Variants in CADPS2 observed in about 807,000 individuals in gnomAD.
CADPS2 encodes calcium dependent secretion activator 2.
A neutral mutation model predicts 172.5 loss-of-function variants in CADPS2; 93 were observed. The observed-to-expected ratio is 0.54, with a 90% CI of 0.46 to 0.64. The LOEUF (loss-of-function observed/expected upper bound fraction) is 0.64, where lower values mean the gene tolerates loss of function less well. CADPS2 is among the 30% of genes least tolerant of loss of function. The probability of loss-of-function intolerance (pLI) is 0.00; values close to 1 mark genes in which losing one functional copy is unlikely to be tolerated. For missense variants in CADPS2, 1,420 were observed against 1,565.9 expected, an observed-to-expected ratio of 0.91 and a Z score of 1.57; for synonymous variants, 546 against 555.2, an observed-to-expected ratio of 0.98 and a Z score of 0.23.
chr7:122,396,394 C>A (rs2045134424), intron 20 of CADPS2, among the ~76,000 whole-genome samples: 2 of 152,268 alleles, frequency 1.3e-5, no homozygotes, highest in Admixed American at 6.5e-5. Flanking sequence ...CAATAATAAC[C>A]TAACTGGTCT....
chr7:122,787,233 A>G (rs1794259334), intron 1 of CADPS2, among the ~76,000 whole-genome samples: 2 of 152,030 alleles, frequency 1.3e-5, no homozygotes, highest in African/African-American at 4.8e-5. Context: ...TACACCCCCA[A>G]CCCCAAGAAA....
At chr7:122,515,899 T>C (rs1172123855) in intron 8 of CADPS2, among the ~76,000 whole-genome samples, 3 of 151,820 alleles carry the variant, frequency 2.0e-5, no homozygotes, top group East Asian at 1.9e-4. Flanking sequence ...TTGGTCAATT[T>C]TGTTAATTTC....
At chr7:122,749,443 C>G (rs143753569) in intron 1 of CADPS2, among the ~76,000 whole-genome samples, 61 of 152,250 alleles carry the variant, frequency 4.0e-4, no homozygotes, top group Admixed American at 6.5e-4. Flanking sequence ...AACTAGCAAA[C>G]TGTACATAAA....
Position 122,320,171 on chromosome 7 carries a change from T to G in CADPS2, c.3885A>C (p.Glu1295Asp), listed in dbSNP as rs765601862. The change falls in exon 30 of 30, where the codon GAA becomes GAC. Residue 1295 changes from glutamate (E) to aspartate (D), a missense_variant. Glu to Asp is a conservative substitution (Grantham distance 45, BLOSUM62 2). Coordinates refer to ENST00000449022, the MANE Select transcript of CADPS2 (RefSeq NM_017954.11). ...ITMKDSDEEE[E>D]G ...TCTGCAAAGCTGTGTGATATCAGCC[T>G]TCTTCTTCTTCGTCACTGTCTTTCA... 2 of 1,596,010 alleles carry G rather than the reference T, an allele frequency of 1.3e-6. No individual in the cohort carries two copies. The highest frequency in any genetic ancestry group is 1.7e-6 in the Non-Finnish European group (2 of 1,171,654).
chr7:122,442,513 A>G (rs1025227650), intron 15 of CADPS2, among the ~76,000 whole-genome samples: 2 of 152,142 alleles, frequency 1.3e-5, no homozygotes, highest in African/African-American at 2.4e-5. Flanking sequence ...TCTCCATGTC[A>G]TTTTGCATAA....
intron 8 of CADPS2, among the ~76,000 whole-genome samples, chr7:122,525,624 G>A (rs1038396644): frequency 6.6e-6 from 1 of 152,120 alleles, no homozygotes; most frequent in Non-Finnish European, 1.5e-5. Context: ...CTGAATGATG[G>A]AGGCCTTCTG....
intron 2 of CADPS2, among the ~76,000 whole-genome samples, chr7:122,729,872 A>G (rs185960844): frequency 2.6e-5 from 4 of 151,774 alleles, no homozygotes; most frequent in African/African-American, 9.6e-5. Context: ...ACTGGAATGA[A>G]GAGGAGCAGC....
intron 8 of CADPS2, among the ~76,000 whole-genome samples, chr7:122,551,283 ATTTGTATTAC>A (rs1482841436): frequency 1.3e-5 from 2 of 152,004 alleles, no homozygotes; most frequent in Non-Finnish European, 2.9e-5. Flanking sequence ...GCTTACTCTC[ATTTGTATTAC>A]TTTTCCCTTA....
intron 20 of CADPS2, among the ~76,000 whole-genome samples, chr7:122,401,864 T>C (rs537106900): frequency 5.9e-5 from 9 of 152,138 alleles, no homozygotes; most frequent in South Asian, 2.1e-4. Context: ...GGGTGGGACA[T>C]TGGGGACAGT....
At chr7:122,809,630 C>T (rs1799588755) in intron 1 of CADPS2, among the ~76,000 whole-genome samples, 2 of 151,594 alleles carry the variant, frequency 1.3e-5, no homozygotes, top group Admixed American at 1.3e-4. Flanking sequence ...GATGATGTTC[C>T]CCAGTTAAAT....
At chr7:122,688,983 T>A (rs2083979984) in intron 2 of CADPS2, among the ~76,000 whole-genome samples, 1 of 152,156 alleles carries the variant, frequency 6.6e-6, no homozygotes, top group African/African-American at 2.4e-5. Flanking sequence ...ATATATAGGC[T>A]TGGCACACAA....
intron 1 of CADPS2, among the ~76,000 whole-genome samples, chr7:122,877,349 T>A (rs1821464827): frequency 6.6e-6 from 1 of 152,186 alleles, no homozygotes; most frequent in Non-Finnish European, 1.5e-5. Flanking sequence ...TCCCAGTGAA[T>A]AATGGATCAA....
intron 7 of CADPS2, among the ~76,000 whole-genome samples, chr7:122,556,341 AGCT>A (rs1233539185): frequency 6.6e-6 from 1 of 152,130 alleles, no homozygotes; most frequent in Non-Finnish European, 1.5e-5. Context: ...CTGTAGCTAT[AGCT>A]GCTATTTTCC....
At chr7:122,828,418 G>T (rs1451240297) in intron 1 of CADPS2, among the ~76,000 whole-genome samples, 1 of 151,638 alleles carries the variant, frequency 6.6e-6, no homozygotes, top group Admixed American at 6.6e-5. Context: ...TAATTATTGA[G>T]ATGTTCATAT....
intron 8 of CADPS2, among the ~76,000 whole-genome samples, chr7:122,529,081 TA>T (rs760913073): frequency 9.2e-5 from 14 of 152,276 alleles, no homozygotes; most frequent in Non-Finnish European, 1.8e-4. Context: ...ATATACATAT[TA>T]TTACTTTTGT....
intron 11 of CADPS2, among the ~76,000 whole-genome samples, chr7:122,483,335 G>A (rs1478791874): frequency 1.3e-5 from 2 of 152,112 alleles, no homozygotes; most frequent in African/African-American, 4.8e-5. Flanking sequence ...ATGCAAGCTA[G>A]AAGAAAGTGG....
intron 2 of CADPS2, among the ~76,000 whole-genome samples, chr7:122,686,918 C>T (rs2083710241): frequency 6.6e-6 from 1 of 152,144 alleles, no homozygotes; most frequent in South Asian, 2.1e-4. Flanking sequence ...CTCCTGGCCT[C>T]GGGTCATCTG....
At chr7:122,338,782 G>A (rs1387596491) in intron 28 of CADPS2, among the ~76,000 whole-genome samples, 1 of 152,106 alleles carries the variant, frequency 6.6e-6, no homozygotes, top group Admixed American at 6.5e-5. Flanking sequence ...TTCTTTTTGA[G>A]ACAGGGTCTT....
intron 20 of CADPS2, among the ~76,000 whole-genome samples, chr7:122,404,435 T>C (rs890226172): frequency 6.6e-6 from 1 of 152,180 alleles, no homozygotes; most frequent in Non-Finnish European, 1.5e-5. Flanking sequence ...CTATTGTGAA[T>C]AGTGCCGCAA....
Sources: gnomAD v4.1 joint callset for allele counts (sites outside exome capture counted in the v4.1 genomes callset) on GRCh38, gnomAD v4.1.1 for gene constraint, MANE v1.5 for transcripts, NCBI Gene and HGNC (gene_info 2026-07-23, HGNC 2026-07-21) for gene names.